DNAJC13: variants seen among roughly 807,000 people sequenced by gnomAD.
The protein encoded by DNAJC13 is dnaJ homolog subfamily C member 13.
Under a neutral mutation model 290.5 loss-of-function variants are expected in DNAJC13, and 75 were observed. The observed-to-expected ratio is 0.26, with a 90% confidence interval of 0.21 to 0.31. The LOEUF (loss-of-function observed/expected upper bound fraction) is 0.31. Ranked by LOEUF, DNAJC13 falls within the 10% of genes least tolerant of loss-of-function variation. The probability of loss-of-function intolerance (pLI) is 1.00; values close to 1 mark genes in which losing one functional copy is unlikely to be tolerated. For synonymous variants in DNAJC13, 862 were observed against 892.0 expected (o/e 0.97, Z 0.60); for missense variants, 2,260 against 2,674.5 (o/e 0.85, Z 3.42).
rs369325220 is a variant in DNAJC13, at chr3:132,526,094, T to G, written c.6241-47T>G. 6.2e-7 allele frequency: 1 copy of G among 1,605,906 alleles called. No homozygotes were observed. The highest frequency in any genetic ancestry group is 8.5e-7 in the Non-Finnish European group (1 of 1,175,624). Reference sequence around the variant, plus strand: ...TTTTGTTATGGTATTTACTATGTTATATAAATATTGCCAGTCTACAAGTAA... The same window carrying G: ...TTTTGTTATGGTATTTACTATGTTAGATAAATATTGCCAGTCTACAAGTAA... On this transcript the variant is annotated intron_variant, in intron 52 of 55. Transcript: ENST00000260818.
chr3:132,460,617 T>C (rs1453156950), intron 14 of DNAJC13, among the ~76,000 whole-genome samples: 1 of 152,110 alleles, frequency 6.6e-6, no homozygotes, highest in Non-Finnish European at 1.5e-5. Flanking sequence ...TCTTTAAAAA[T>C]ATCATTAGGA....
chr3:132,467,440 G>A, intron 20 of DNAJC13, 127 bp downstream of exon 20: 1 of 829,640 alleles, frequency 1.2e-6, no homozygotes, highest in Non-Finnish European at 1.8e-6. Context: ...AAAATGAATG[G>A]TACCTAATTT....
At chr3:132,529,452 C>T (rs1936349560) in intron 54 of DNAJC13, among the ~76,000 whole-genome samples, 2 of 152,152 alleles carry the variant, frequency 1.3e-5, no homozygotes, top group Non-Finnish European at 2.9e-5. Context: ...AAACATTTTT[C>T]ATACCATTGT....
intron 29 of DNAJC13, among the ~76,000 whole-genome samples, chr3:132,486,389 G>A (rs1934878281): frequency 6.6e-6 from 1 of 151,946 alleles, no homozygotes; most frequent in Non-Finnish European, 1.5e-5. Context: ...AAACTGAAAG[G>A]AAAAAGTAAA....
rs1279779263 is a variant in DNAJC13, at chr3:132,538,574, A to G, written c.*292A>G. The G allele has an allele frequency of 4.5e-6, 1 of 221,506 alleles. No homozygotes were observed. The highest frequency in any genetic ancestry group is 8.7e-6 in the Non-Finnish European group (1 of 114,584). 13.7% of individuals were successfully genotyped at this position (221,506 alleles called of 1,614,324 possible). ...TTACAAAACTGTGAATCAAAAAGAC[A>G]AAACTTTCTTCCTAGTTTTTGTAAT... On this transcript the variant is annotated 3_prime_UTR_variant, in exon 56 of 56. Transcript: ENST00000260818.
chr3:132,502,268 C>T (rs1935440032), intron 39 of DNAJC13, 21 bp from the exon 40 acceptor site: 1 of 1,510,554 alleles, frequency 6.6e-7, no homozygotes, highest in Non-Finnish European at 8.9e-7. Context: ...ACAACTAATG[C>T]TCTCATTTTT....
At chr3:132,442,775 A>G (rs1036167917) in intron 2 of DNAJC13, among the ~76,000 whole-genome samples, 5 of 152,224 alleles carry the variant, frequency 3.3e-5, no homozygotes, top group Non-Finnish European at 7.3e-5. Context: ...TAGGCATTTA[A>G]TGATGTAAGT....
At chr3:132,454,028 C>A (rs781413600) in intron 8 of DNAJC13, 38 bp from the exon 9 acceptor site, 1 of 1,456,010 alleles carries the variant, frequency 6.9e-7, no homozygotes, top group Admixed American at 2.1e-5. Context: ...AAACTATAAA[C>A]TTTTTTTTGT....
chr3:132,494,436 T>G (rs1559896854), intron 34 of DNAJC13, among the ~76,000 whole-genome samples, 177 bp downstream of exon 34: 2 of 152,218 alleles, frequency 1.3e-5, no homozygotes. Flanking sequence ...TGCAAACTTA[T>G]TAGCCAAATT....
chr3:132,419,183 G>T (rs1289311901), intron 1 of DNAJC13, among the ~76,000 whole-genome samples: 1 of 152,102 alleles, frequency 6.6e-6, no homozygotes. Context: ...ACATATTAAG[G>T]GAGGAAAAGA....
intron 6 of DNAJC13, among the ~76,000 whole-genome samples, chr3:132,451,393 G>A (rs1335588120): frequency 6.6e-6 from 1 of 152,108 alleles, no homozygotes; most frequent in Non-Finnish European, 1.5e-5. Flanking sequence ...TGAAATCTGA[G>A]TATGCATTGA....
At chr3:132,537,037 GA>G in intron 55 of DNAJC13, 1 of 441,826 alleles carries the variant, frequency 2.3e-6, no homozygotes, top group Middle Eastern at 3.3e-4. Context: ...AAAACAAGAT[GA>G]ATCTGAATGG....
At chr3:132,419,192 G>C (rs781730913) in intron 1 of DNAJC13, among the ~76,000 whole-genome samples, 14 of 152,182 alleles carry the variant, frequency 9.2e-5, no homozygotes, top group Non-Finnish European at 2.1e-4. Context: ...GGGAGGAAAA[G>C]AGGAGTCAGA....
chr3:132,526,896 G>C (rs1329771719), intron 53 of DNAJC13, among the ~76,000 whole-genome samples: 2 of 152,198 alleles, frequency 1.3e-5, no homozygotes, highest in Non-Finnish European at 2.9e-5. Flanking sequence ...TGTAAGTGGA[G>C]TCTAAAACAA....
chr3:132,424,704 T>G (rs910907910), intron 1 of DNAJC13, among the ~76,000 whole-genome samples: 2 of 152,146 alleles, frequency 1.3e-5, no homozygotes, highest in African/African-American at 4.8e-5. Flanking sequence ...ATATTACCGC[T>G]GGCTTTTTTT....
At chr3:132,421,942 C>T (rs190073383) in intron 1 of DNAJC13, among the ~76,000 whole-genome samples, 1 of 152,080 alleles carries the variant, frequency 6.6e-6, no homozygotes, top group Non-Finnish European at 1.5e-5. Flanking sequence ...ATATATAAAA[C>T]AATTAGAGTC....
chr3:132,428,531 A>G (rs1939163482), intron 1 of DNAJC13, among the ~76,000 whole-genome samples: 1 of 152,114 alleles, frequency 6.6e-6, no homozygotes, highest in African/African-American at 2.4e-5. Context: ...GCTGGTCTCA[A>G]ACTTCTGGAC....
At chr3:132,532,759 A>G (rs1224625768) in intron 55 of DNAJC13, among the ~76,000 whole-genome samples, 2 of 151,214 alleles carry the variant, frequency 1.3e-5, no homozygotes, top group African/African-American at 2.4e-5. Context: ...TATTTTTTTG[A>G]GACAGTCTTG....
chr3:132,531,437 CATG>C (rs1189137054), intron 55 of DNAJC13, among the ~76,000 whole-genome samples: 9 of 152,210 alleles, frequency 5.9e-5, no homozygotes, highest in African/African-American at 1.9e-4. Context: ...GTGTCAGAAA[CATG>C]ATTCATCATT....
Sources: gnomAD v4.1 joint callset for allele counts (sites outside exome capture counted in the v4.1 genomes callset) on GRCh38, gnomAD v4.1.1 for gene constraint, MANE v1.5 for transcripts, NCBI Gene and HGNC (gene_info 2026-07-23, HGNC 2026-07-21) for gene names.